Variants in LHFPL6 observed in about 807,000 individuals in gnomAD.
LHFPL6 encodes LHFPL tetraspan subfamily member 6 protein.
In LHFPL6, 9 loss-of-function variants were observed where a neutral mutation model predicts 20.6. The ratio of observed to expected loss-of-function variants is 0.44; its 90% CI spans 0.26 to 0.76. The LOEUF (loss-of-function observed/expected upper bound fraction) is 0.76, where lower values mean the gene tolerates loss of function less well. Among genes scored for constraint, LHFPL6 ranks in the 30% least tolerant of loss-of-function variants. LHFPL6 has a pLI of 0.20. For missense variants in LHFPL6, 218 were observed against 253.5 expected (o/e 0.86, Z 0.95); for synonymous variants, 105 against 98.7 (o/e 1.06, Z -0.38).
chr13:39,461,130 C>G (rs1003038316), intron 2 of LHFPL6, among the ~76,000 whole-genome samples: 2 of 152,142 alleles, frequency 1.3e-5, no homozygotes, highest in African/African-American at 4.8e-5. Context: ...AGGATGATGG[C>G]CTCCAGGTCC....
intron 2 of LHFPL6, among the ~76,000 whole-genome samples, chr13:39,583,223 G>A (rs936983605): frequency 6.8e-6 from 1 of 148,000 alleles, no homozygotes; most frequent in African/African-American, 2.5e-5. Flanking sequence ...ACCCAGGCTG[G>A]AGTGCAGTGC....
chr13:39,495,779 A>ATTTTTT (rs10558170), intron 2 of LHFPL6, among the ~76,000 whole-genome samples: 1 of 89,538 alleles, frequency 1.1e-5, no homozygotes. Flanking sequence ...TAACTCAATA[A>ATTTTTT]TTTTTTTTTT....
intron 2 of LHFPL6, among the ~76,000 whole-genome samples, chr13:39,543,223 T>G (rs1870867944): frequency 6.6e-6 from 1 of 152,234 alleles, no homozygotes; most frequent in Non-Finnish European, 1.5e-5. Flanking sequence ...TATTCCACTG[T>G]ATGTATATAT....
At chr13:39,377,683 G>A (rs529029876) in intron 3 of LHFPL6, among the ~76,000 whole-genome samples, 1 of 152,108 alleles carries the variant, frequency 6.6e-6, no homozygotes, top group Non-Finnish European at 1.5e-5. Flanking sequence ...TTTATAGATC[G>A]CAACATAAGT....
At chr13:39,466,451 T>C (rs1872809537) in intron 2 of LHFPL6, among the ~76,000 whole-genome samples, 1 of 152,190 alleles carries the variant, frequency 6.6e-6, no homozygotes, top group South Asian at 2.1e-4. Context: ...TGTCTCTGTA[T>C]TGAAACTTTG....
chr13:39,400,278 C>T (rs747632926), intron 2 of LHFPL6, among the ~76,000 whole-genome samples: 2 of 152,146 alleles, frequency 1.3e-5, no homozygotes, highest in South Asian at 2.1e-4. Flanking sequence ...AAAACACTGA[C>T]GTGAGTTCAA....
chr13:39,387,419 C>G (rs1256832292), intron 2 of LHFPL6, among the ~76,000 whole-genome samples: 1 of 151,762 alleles, frequency 6.6e-6, no homozygotes, highest in Non-Finnish European at 1.5e-5. Context: ...TGGTGGTGCA[C>G]ACCTGTAATC....
intron 2 of LHFPL6, among the ~76,000 whole-genome samples, chr13:39,393,652 GT>G (rs1441488944): frequency 2.0e-5 from 3 of 152,192 alleles, no homozygotes; most frequent in Non-Finnish European, 2.9e-5. Context: ...GGCCAAGGAA[GT>G]TGGCCTTTAC....
chr13:39,430,628 A>C (rs61092477), intron 2 of LHFPL6, among the ~76,000 whole-genome samples: 26,543 of 152,046 alleles, frequency 0.17, 2,668 homozygotes, highest in African/African-American at 0.28. Flanking sequence ...CTGTCTAGCT[A>C]AAGTTTTGCA....
chr13:39,459,194 ATGTGTGTGTGTGTGTGTGTGTGTGTG>A (rs58955444), intron 2 of LHFPL6, among the ~76,000 whole-genome samples: 20 of 135,982 alleles, frequency 1.5e-4, no homozygotes, highest in African/African-American at 5.0e-4. Context: ...AAGTTCCTTA[ATGTGTGTGTGTGTGTGTGTGTGTGTG>A]TGTGTGTGTG....
intron 2 of LHFPL6, among the ~76,000 whole-genome samples, chr13:39,578,197 A>G (rs1333780500): frequency 6.6e-6 from 1 of 152,148 alleles, no homozygotes; most frequent in Non-Finnish European, 1.5e-5. Flanking sequence ...GTTAGTTGTT[A>G]TCTAAAGTAA....
chr13:39,462,530 C>T (rs1399861133), intron 2 of LHFPL6, among the ~76,000 whole-genome samples: 3 of 152,148 alleles, frequency 2.0e-5, no homozygotes, highest in African/African-American at 7.2e-5. Flanking sequence ...TATCCTATCC[C>T]TATAAAGTTA....
intron 2 of LHFPL6, among the ~76,000 whole-genome samples, chr13:39,476,077 CTGAG>C (rs1463088266): frequency 6.6e-6 from 1 of 152,202 alleles, no homozygotes; most frequent in Non-Finnish European, 1.5e-5. Context: ...TTTCCATAAA[CTGAG>C]TATTTACTAT....
chr13:39,516,862 G>A (rs1869939229), intron 2 of LHFPL6, among the ~76,000 whole-genome samples: 1 of 152,332 alleles, frequency 6.6e-6, no homozygotes, highest in Admixed American at 6.5e-5. Context: ...GCCAACAGTG[G>A]AGGGAGTCGT....
rs78231505 is a variant in LHFPL6 at position 39,459,416 on chromosome 13, A to G, written c.386-80890T>C. On this transcript the variant is annotated intron_variant, in intron 2 of 3. Transcript: ENST00000379589. ...TCTCCCTTCCAACAAACCTGAGAAC[A>G]TGCTGCAGGCTGATCACTGTGCCAG... Among the ~76,000 whole-genome samples the G allele has an allele frequency of 2.9e-3, 443 of 151,664 alleles. 3 individuals carry two copies. The highest frequency in any genetic ancestry group is 0.01 in the African/African-American group (428 of 41,280).
chr13:39,491,379 A>T (rs1410453082), intron 2 of LHFPL6, among the ~76,000 whole-genome samples: 5 of 152,088 alleles, frequency 3.3e-5, no homozygotes, highest in Admixed American at 3.3e-4. Flanking sequence ...AAGATGGGGA[A>T]TGGTTGCAAC....
chr13:39,467,550 A>C (rs1293819946), intron 2 of LHFPL6, among the ~76,000 whole-genome samples: 1 of 152,146 alleles, frequency 6.6e-6, no homozygotes, highest in Non-Finnish European at 1.5e-5. Context: ...GCACTGGATA[A>C]AGCTGTTCTC....
In LHFPL6 at chr13:39,422,586, CAAAA is replaced by C. The variant is rs11311637; in HGVS notation, c.386-44064_386-44061del. 2.3e-4 allele frequency among the ~76,000 whole-genome samples: 27 copies of C among 118,796 alleles called. No homozygotes were observed. In the South Asian group the frequency reaches 4.1e-3, roughly 18 times the overall value. The allele number at this position is 118,796 out of a possible 152,430, so 77.9% of individuals were successfully genotyped here. On this transcript the variant is annotated intron_variant, in intron 2 of 3. Transcript: ENST00000379589. Reference sequence around the variant, plus strand: ...GGGCAACAAGAGCGAAACTCCAACTCAAAAAAAAAAAAAAAAAAGAAGAAGAAGA... The same window carrying C: ...GGGCAACAAGAGCGAAACTCCAACTCAAAAAAAAAAAAAAGAAGAAGAAGA...
At chr13:39,438,259 A>T (rs1421463256) in intron 2 of LHFPL6, among the ~76,000 whole-genome samples, 2 of 152,148 alleles carry the variant, frequency 1.3e-5, no homozygotes, top group African/African-American at 4.8e-5. Context: ...TGAACTTGAG[A>T]CTGATGATTT....
Sources: gnomAD v4.1 joint callset for allele counts (sites outside exome capture counted in the v4.1 genomes callset) on GRCh38, gnomAD v4.1.1 for gene constraint, MANE v1.5 for transcripts, NCBI Gene and HGNC (gene_info 2026-07-23, HGNC 2026-07-21) for gene names.